MED12L: variants seen among roughly 807,000 people sequenced by gnomAD.
The protein encoded by MED12L is mediator of RNA polymerase II transcription subunit 12-like protein.
A neutral mutation model predicts 281.3 loss-of-function variants in MED12L; 60 were observed. The ratio of observed to expected loss-of-function variants is 0.21; its 90% CI spans 0.17 to 0.26. The LOEUF is 0.26. MED12L is among the 10% of genes least tolerant of loss of function. The probability of loss-of-function intolerance (pLI) is 1.00; values close to 1 mark genes in which losing one functional copy is unlikely to be tolerated. For missense variants in MED12L, 2,146 were observed against 2,680.9 expected, an observed-to-expected ratio of 0.80 and a Z score of 4.41; for synonymous variants, 974 against 987.2, an observed-to-expected ratio of 0.99 and a Z score of 0.25.
intron 16 of MED12L, chr3:151,328,592 T>A: frequency 6.2e-7 from 1 of 1,613,784 alleles, no homozygotes; most frequent in Non-Finnish European, 8.5e-7. Context: ...AACAGGTTTT[T>A]TTAGAAAAAT....
intron 16 of MED12L, among the ~76,000 whole-genome samples, chr3:151,218,686 A>T (rs1055780148): frequency 1.6e-4 from 24 of 151,692 alleles, no homozygotes; most frequent in African/African-American, 5.6e-4. Flanking sequence ...GGCCAACATG[A>T]TGAAACCCTG....
intron 2 of MED12L, among the ~76,000 whole-genome samples, chr3:151,108,090 C>A (rs1424796262): frequency 2.0e-5 from 3 of 152,090 alleles, no homozygotes; most frequent in Non-Finnish European, 4.4e-5. Context: ...AGAAAGCCTT[C>A]TGATGCTTTT....
chr3:151,159,209 T>G (rs1333826980), intron 7 of MED12L, among the ~76,000 whole-genome samples: 1 of 152,266 alleles, frequency 6.6e-6, no homozygotes, highest in Non-Finnish European at 1.5e-5. Context: ...ACTTTTTATT[T>G]TGATGATTGG....
chr3:151,214,238 C>T (rs762841768), intron 16 of MED12L: 1 of 1,613,930 alleles, frequency 6.2e-7, no homozygotes, highest in Non-Finnish European at 8.5e-7. Flanking sequence ...CAGTACAGCA[C>T]AGGAATGATC....
Position 151,174,182 on chromosome 3 carries a change from A to T in MED12L, c.1494+8200A>T, listed in dbSNP as rs76427141. ...GTCTTCAGAACATTTTGGATTTTGG[A>T]GCATTTCAGATTTTGGATTTTCAGA... On this transcript the variant is annotated intron_variant, in intron 11 of 44. Coordinates refer to ENST00000687756, the MANE Select transcript of MED12L (RefSeq NM_001393769.1). Among the ~76,000 whole-genome samples the T allele has an allele frequency of 7.9e-3, 1,207 of 152,194 alleles. 19 individuals are homozygous for T. The highest frequency in any genetic ancestry group is 0.028 in the African/African-American group (1,162 of 41,510).
Position 151,356,114 on chromosome 3 carries a change from A to G in MED12L, c.2661+75A>G. The G allele has an allele frequency of 2.8e-6, 4 of 1,453,352 alleles. No individual in the cohort carries two copies. In the South Asian group the frequency reaches 4.0e-5, roughly 15 times the overall value. 90.0% of individuals were successfully genotyped at this position (1,453,352 alleles called of 1,614,324 possible). The stretch of plus-strand genomic sequence containing the variant: ...GGCATTGTGCAATTTAAAGTGAGCC[A>G]ATTAGCTGGGCACAGTGGCTTGTGC... On this transcript the variant is annotated intron_variant, in intron 19 of 44. Coordinates refer to ENST00000687756, the MANE Select transcript of MED12L (RefSeq NM_001393769.1).
intron 5 of MED12L, among the ~76,000 whole-genome samples, chr3:151,133,460 A>G (rs1300114733): frequency 1.3e-5 from 2 of 152,194 alleles, no homozygotes; most frequent in Non-Finnish European, 2.9e-5. Context: ...TGGGTTTCTG[A>G]GTGAGGTCTC....
At chr3:151,369,782 T>G (rs960494160) in intron 26 of MED12L, among the ~76,000 whole-genome samples, 7 of 152,204 alleles carry the variant, frequency 4.6e-5, no homozygotes, top group Admixed American at 4.6e-4. Context: ...TTATGGTATT[T>G]TAGTTGCATA....
At chr3:151,214,309 T>C (rs1345270959) in intron 16 of MED12L, 1 of 1,612,354 alleles carries the variant, frequency 6.2e-7, no homozygotes, top group East Asian at 2.2e-5. Context: ...GGAGGTTGAA[T>C]TGATCATCTT....
chr3:151,185,734 GGGA>G (rs755644663), intron 12 of MED12L, among the ~76,000 whole-genome samples: 2 of 152,046 alleles, frequency 1.3e-5, no homozygotes, highest in Non-Finnish European at 2.9e-5. Context: ...CTAGTTTTTT[GGGA>G]GGAGAAGGCA....
At chr3:151,216,215 T>A (rs2149240267) in intron 16 of MED12L, among the ~76,000 whole-genome samples, 1 of 152,352 alleles carries the variant, frequency 6.6e-6, no homozygotes, top group South Asian at 2.1e-4. Flanking sequence ...TAAATGAATA[T>A]GCACTCTGGG....
chr3:151,112,651 G>C (rs953104281), intron 2 of MED12L, among the ~76,000 whole-genome samples: 1 of 152,092 alleles, frequency 6.6e-6, no homozygotes, highest in Non-Finnish European at 1.5e-5. Flanking sequence ...GCATTATATT[G>C]ATTAAAAAAT....
intron 16 of MED12L, chr3:151,293,937 C>T: frequency 2.0e-6 from 1 of 507,078 alleles, no homozygotes; most frequent in African/African-American, 1.9e-5. Flanking sequence ...TCATTCTGCC[C>T]TTTCACTCTG....
intron 16 of MED12L, among the ~76,000 whole-genome samples, chr3:151,250,010 G>A (rs1489214600): frequency 6.6e-6 from 1 of 152,066 alleles, no homozygotes; most frequent in Non-Finnish European, 1.5e-5. Flanking sequence ...ATAAAATAAA[G>A]CGAAAACCCT....
At chr3:151,231,601 C>T (rs1731690093) in intron 16 of MED12L, among the ~76,000 whole-genome samples, 1 of 152,050 alleles carries the variant, frequency 6.6e-6, no homozygotes, top group East Asian at 1.9e-4. Context: ...AAAATCAATG[C>T]CACGAGAAAC....
chr3:151,207,482 T>C (rs752926078), intron 16 of MED12L, among the ~76,000 whole-genome samples: 10 of 144,332 alleles, frequency 6.9e-5, no homozygotes, highest in Non-Finnish European at 1.4e-4. Context: ...CACAGATAAT[T>C]GGAGTATGAG....
chr3:151,354,570 A>G (rs555171070), intron 17 of MED12L, among the ~76,000 whole-genome samples: 1 of 152,264 alleles, frequency 6.6e-6, no homozygotes, highest in South Asian at 2.1e-4. Flanking sequence ...AGATCTCCCC[A>G]CCTTCATTGT....
At chr3:151,263,955 G>C (rs1381723433) in intron 16 of MED12L, among the ~76,000 whole-genome samples, 1 of 152,200 alleles carries the variant, frequency 6.6e-6, no homozygotes, top group Non-Finnish European at 1.5e-5. Context: ...AGATAACGAT[G>C]GACAGAGGCT....
At chr3:151,147,029 G>T (rs1205991448) in intron 5 of MED12L, among the ~76,000 whole-genome samples, 1 of 152,152 alleles carries the variant, frequency 6.6e-6, no homozygotes, top group African/African-American at 2.4e-5. Flanking sequence ...ATGGGATTTT[G>T]GATTTTCTGT....
Sources: gnomAD v4.1 joint callset for allele counts (sites outside exome capture counted in the v4.1 genomes callset) on GRCh38, gnomAD v4.1.1 for gene constraint, MANE v1.5 for transcripts, NCBI Gene and HGNC (gene_info 2026-07-23, HGNC 2026-07-21) for gene names.